RREB1: variants seen among roughly 807,000 people sequenced by gnomAD.
RREB1 encodes the protein ras-responsive element-binding protein 1.
Under a neutral mutation model 117.8 loss-of-function variants are expected in RREB1, and 27 were observed. That is an observed-to-expected ratio of 0.23 (90% confidence interval 0.17 to 0.32). The LOEUF (loss-of-function observed/expected upper bound fraction) is 0.32. Among genes scored for constraint, RREB1 ranks in the 10% least tolerant of loss-of-function variants. The pLI is 1.00. For missense variants in RREB1, 2,577 were observed against 2,378.2 expected, an observed-to-expected ratio of 1.08 and a Z score of -1.74; for synonymous variants, 1,298 against 1,026.7, an observed-to-expected ratio of 1.26 and a Z score of -5.05.
chr6:7,160,919 C>G (rs942063738), intron 1 of RREB1, among the ~76,000 whole-genome samples: 1 of 152,048 alleles, frequency 6.6e-6, no homozygotes, highest in Non-Finnish European at 1.5e-5. Flanking sequence ...CTCCTGACCT[C>G]GTGATCCACC....
intron 6 of RREB1, among the ~76,000 whole-genome samples, chr6:7,195,113 A>C (rs1199211477): frequency 6.6e-6 from 1 of 152,216 alleles, no homozygotes; most frequent in African/African-American, 2.4e-5. Context: ...CATTCATATA[A>C]TGCCAGAAAA....
At chr6:7,242,707 G>T (rs1008844200) in intron 11 of RREB1, among the ~76,000 whole-genome samples, 10 of 151,374 alleles carry the variant, frequency 6.6e-5, no homozygotes, top group African/African-American at 1.9e-4. Context: ...AAAAGGGGGG[G>T]GGGGAAGGAA....
intron 2 of RREB1, 136 bp from the exon 3 acceptor site, chr6:7,180,988 G>A (rs1362364452): frequency 2.6e-6 from 1 of 389,746 alleles, no homozygotes; most frequent in Non-Finnish European, 4.5e-6. Context: ...AAGAAAGAAA[G>A]GCAGACATTG....
At chr6:7,165,213 A>G (rs1763869695) in intron 1 of RREB1, among the ~76,000 whole-genome samples, 3 of 152,196 alleles carry the variant, frequency 2.0e-5, no homozygotes, top group Admixed American at 2.0e-4. Context: ...TAAACAAGTC[A>G]AACAGCCCCT....
chr6:7,110,852 TG>T (rs1161198766), intron 1 of RREB1, among the ~76,000 whole-genome samples: 2 of 152,252 alleles, frequency 1.3e-5, no homozygotes, highest in African/African-American at 4.8e-5. Flanking sequence ...TACCGTTTTG[TG>T]GAATATCATT....
At chr6:7,196,231 GTTTT>G (rs1179803646) in intron 6 of RREB1, among the ~76,000 whole-genome samples, 31 of 83,778 alleles carry the variant, frequency 3.7e-4, no homozygotes, top group African/African-American at 1.3e-3. Context: ...TTTTTTTTTT[GTTTT>G]TTTTTTTTTT....
chr6:7,247,712 TGGGACA>T (rs1769173529), intron 12 of RREB1, among the ~76,000 whole-genome samples: 1 of 152,200 alleles, frequency 6.6e-6, no homozygotes, highest in Non-Finnish European at 1.5e-5. Flanking sequence ...CTGAGATGAC[TGGGACA>T]GGACCCTTAG....
intron 1 of RREB1, among the ~76,000 whole-genome samples, chr6:7,149,472 A>G (rs983198279): frequency 3.9e-5 from 6 of 152,140 alleles, no homozygotes; most frequent in East Asian, 1.9e-4. Context: ...GTAAAAAACC[A>G]TAGAATTTTA....
intron 1 of RREB1, among the ~76,000 whole-genome samples, chr6:7,118,673 T>C (rs1011846775): frequency 2.0e-5 from 3 of 152,192 alleles, no homozygotes; most frequent in African/African-American, 7.2e-5. Context: ...GAGAACCATT[T>C]GTTCAAAAGC....
At chr6:7,197,315 C>T (rs550321974) in intron 6 of RREB1, among the ~76,000 whole-genome samples, 2 of 152,194 alleles carry the variant, frequency 1.3e-5, no homozygotes, top group Admixed American at 6.5e-5. Context: ...GCATGTCTTA[C>T]ATTTAAGGGC....
intron 1 of RREB1, among the ~76,000 whole-genome samples, chr6:7,109,292 G>C (rs1398618800): frequency 1.3e-5 from 2 of 151,790 alleles, no homozygotes; most frequent in Admixed American, 1.3e-4. Flanking sequence ...CTTGGGCCGG[G>C]CCCCCCGCGC....
rs977368252 is a variant in RREB1 at position 7,211,064 on chromosome 6, G to A, written c.570+116G>A. 1.8e-5 allele frequency: 19 copies of A among 1,045,162 alleles called. No homozygotes were observed. In the South Asian group the frequency reaches 2.1e-4, roughly 12 times the overall value. The allele number at this position is 1,045,162 out of a possible 1,614,324, so 64.7% of individuals were successfully genotyped here. A position where few individuals can be genotyped will look rare whatever the true frequency, so the allele number is the denominator to read the frequency against. ...CAGACATACATCCTAAGCTCTTAAC[G>A]TGTGTTTTCCCATACTGTTTCTGTA... On this transcript the variant is annotated intron_variant, in intron 7 of 12. Transcript: ENST00000379938.
At position 7,250,639 on chromosome 6, in the gene RREB1, C is replaced by T. The variant is rs988122740; in HGVS notation, c.*1671C>T. ...ACCCCTGTACCCCAGCTTCCTTCCC[C>T]TGGCCTTTTCTGGCCCCAGTGCTCC... On this transcript the variant is annotated 3_prime_UTR_variant, in exon 13 of 13. Transcript: ENST00000379938. 1 of 152,126 alleles carries T rather than the reference C, an allele frequency of 6.6e-6. No homozygotes were observed. The highest frequency in any genetic ancestry group is 2.4e-5 in the African/African-American group (1 of 41,418). The allele number at this position is 152,126 out of a possible 1,614,324, so 9.4% of individuals were successfully genotyped here. A position where few individuals can be genotyped will look rare whatever the true frequency, so the allele number is the denominator to read the frequency against.
chr6:7,210,840 C>T lies in RREB1; in HGVS notation c.462C>T (p.Ala154=). The change falls in exon 7 of 13, where the codon GCC becomes GCT. Residue 154 remains alanine (A), a synonymous_variant. Coordinates refer to ENST00000379938, the MANE Select transcript of RREB1 (RefSeq NM_001003699.4). ...TCCATGAGAAGGACCCTAACAGTGC[C>T]ACAGCCACAGCCCCTCCATCTCCTC... ...MKIHEKDPNS[A]TATAPPSPLK... 1 of 1,613,934 alleles carries T rather than the reference C, an allele frequency of 6.2e-7. No homozygotes were observed. The highest frequency in any genetic ancestry group is 8.5e-7 in the Non-Finnish European group (1 of 1,179,846).
chr6:7,159,717 G>A (rs1325713917), intron 1 of RREB1, among the ~76,000 whole-genome samples: 4 of 152,168 alleles, frequency 2.6e-5, no homozygotes, highest in Admixed American at 1.3e-4. Flanking sequence ...GCAGTAGTAA[G>A]TAAGGAAAAA....
At chr6:7,111,411 A>T (rs1159196839) in intron 1 of RREB1, among the ~76,000 whole-genome samples, 1 of 152,192 alleles carries the variant, frequency 6.6e-6, no homozygotes, top group African/African-American at 2.4e-5. Flanking sequence ...CTCCTATAAG[A>T]ATTGGTTAAA....
rs368560350 is a variant in RREB1 at position 7,231,721 on chromosome 6, G to A, written c.3622G>A (p.Val1208Met). The change falls in exon 10 of 13, where the codon GTG becomes ATG. Residue 1208 changes from valine (V) to methionine (M), a missense_variant. By Grantham distance (21) the Val-to-Met change is conservative. Transcript: ENST00000379938. ...AGCGGAGGACAACACTCAGGATGAG[G>A]TGGCCGGAGCCCCTGCCGACCACCA... ...QTAEDNTQDE[V>M]AGAPADHHGP... is the part of the protein sequence containing the mutation. 6.2e-6 allele frequency: 10 copies of A among 1,613,570 alleles called. No homozygotes were observed. In the African/African-American group the frequency reaches 9.3e-5, roughly 15 times the overall value.
chr6:7,118,900 CGGCCTCCCAAAGTGATG>C (rs1761538633), intron 1 of RREB1, among the ~76,000 whole-genome samples: 1 of 147,366 alleles, frequency 6.8e-6, no homozygotes, highest in African/African-American at 2.5e-5. Flanking sequence ...GCACTCACCT[CGGCCTCCCAAAGTGATG>C]GGATTACAAG....
chr6:7,215,749 T>C (rs1457420494), intron 8 of RREB1: 6 of 152,060 alleles, frequency 3.9e-5, no homozygotes, highest in Non-Finnish European at 7.4e-5. Flanking sequence ...AATAGAAAAA[T>C]GGTGAGTGAT....
Sources: gnomAD v4.1 joint callset for allele counts (sites outside exome capture counted in the v4.1 genomes callset) on GRCh38, gnomAD v4.1.1 for gene constraint, MANE v1.5 for transcripts, NCBI Gene and HGNC (gene_info 2026-07-23, HGNC 2026-07-21) for gene names.